HS2ST1: variants seen among roughly 807,000 people sequenced by gnomAD.
The protein encoded by HS2ST1 is heparan sulfate 2-O-sulfotransferase 1.
Under a neutral mutation model 42.9 loss-of-function variants are expected in HS2ST1, and 18 were observed. That is an observed-to-expected ratio of 0.42 (90% CI 0.29 to 0.62). The LOEUF (loss-of-function observed/expected upper bound fraction) is 0.62, where lower values mean the gene tolerates loss of function less well. HS2ST1 is among the 20% of genes least tolerant of loss of function. The pLI is 0.21. For missense variants in HS2ST1, 334 were observed against 433.8 expected, an observed-to-expected ratio of 0.77 and a Z score of 2.04; for synonymous variants, 146 against 152.9, an observed-to-expected ratio of 0.95 and a Z score of 0.33.
intron 1 of HS2ST1, among the ~76,000 whole-genome samples, chr1:86,915,814 A>G (rs1660141261): frequency 6.6e-6 from 1 of 152,204 alleles, no homozygotes; most frequent in African/African-American, 2.4e-5. Context: ...GGAGATTTAA[A>G]TTCTTCTTTA....
chr1:86,921,419 A>G (rs79597726), intron 1 of HS2ST1, among the ~76,000 whole-genome samples: 3,332 of 152,028 alleles, frequency 0.022, 42 homozygotes, highest in South Asian at 0.054. Context: ...ATCCTTGGTA[A>G]TATTCTTTGC....
chr1:86,948,131 A>C (rs1647391542), intron 1 of HS2ST1, among the ~76,000 whole-genome samples: 1 of 152,138 alleles, frequency 6.6e-6, no homozygotes, highest in Admixed American at 6.6e-5. Context: ...GAAACAAAAA[A>C]AAAACAAAAA....
chr1:87,057,533 G>T (rs1318976957), intron 1 of HS2ST1, among the ~76,000 whole-genome samples: 1 of 148,902 alleles, frequency 6.7e-6, no homozygotes, highest in Non-Finnish European at 1.5e-5. Flanking sequence ...TCTTCCCTTT[G>T]CCTGGAAGGT....
chr1:87,098,088 T>C (rs41287739), intron 5 of HS2ST1, 153 bp downstream of exon 5: 17,389 of 1,418,114 alleles, frequency 0.012, 247 homozygotes, highest in African/African-American at 0.05. Flanking sequence ...GCAGTTACTT[T>C]TAAATGCATT....
chr1:87,079,313 A>G (rs1423974438), intron 2 of HS2ST1, among the ~76,000 whole-genome samples: 1 of 151,748 alleles, frequency 6.6e-6, no homozygotes, highest in East Asian at 1.9e-4. Flanking sequence ...AATTTTTTGT[A>G]TTTTAGTAGG....
chr1:87,083,898 G>A (rs1651753737), intron 2 of HS2ST1, among the ~76,000 whole-genome samples: 1 of 152,046 alleles, frequency 6.6e-6, no homozygotes, highest in African/African-American at 2.4e-5. Context: ...CCCCCACAAC[G>A]ACCCTCCTCC....
chr1:87,035,091 G>A (rs1650339814), intron 1 of HS2ST1, among the ~76,000 whole-genome samples: 1 of 152,170 alleles, frequency 6.6e-6, no homozygotes, highest in Non-Finnish European at 1.5e-5. Context: ...AGGAATGAAT[G>A]CAGGTGGCTC....
rs1426712805 is a variant in HS2ST1, at chr1:87,098,197, G to C, written c.686+262G>C. On this transcript the variant is annotated intron_variant, in intron 5 of 6. Transcript: ENST00000370550. Reference sequence around the variant, plus strand: ...CTTATTTTTGGTGTTATGTTTTGCTGTATTCCAGCAGAGCTCTTAGAGACT... The same window carrying C: ...CTTATTTTTGGTGTTATGTTTTGCTCTATTCCAGCAGAGCTCTTAGAGACT... 7 of 459,320 alleles carry C rather than the reference G, an allele frequency of 1.5e-5. No homozygotes were observed. The Admixed American group carries it at 7.4e-4, about 48-fold the overall frequency. The allele number at this position is 459,320 out of a possible 1,614,324, so 28.5% of individuals were successfully genotyped here. A position where few individuals can be genotyped will look rare whatever the true frequency, so the allele number is the denominator to read the frequency against.
At chr1:87,063,413 C>T (rs745679163) in intron 1 of HS2ST1, among the ~76,000 whole-genome samples, 17 of 152,048 alleles carry the variant, frequency 1.1e-4, no homozygotes, top group Admixed American at 2.6e-4. Flanking sequence ...TTCCGCTCAC[C>T]GCAGCCTCTG....
In HS2ST1 at chr1:87,076,888, A is replaced by T. The variant is rs1651559444; in HGVS notation, c.363+3716A>T. Among the ~76,000 whole-genome samples the T allele has an allele frequency of 2.0e-5, 3 of 152,226 alleles. No homozygotes were observed. In the South Asian group the frequency reaches 6.2e-4, roughly 32 times the overall value. ...GAATTTGTATTCTCTGAAGAACAAC[A>T]TGAATTTTTTTCTTTTTGAAATTCA... On this transcript the variant is annotated intron_variant, in intron 2 of 6. Coordinates refer to ENST00000370550, the MANE Select transcript of HS2ST1 (RefSeq NM_012262.4).
rs1032658857 is a variant in HS2ST1, at chr1:87,012,839, C to G, written c.125-60095C>G. Among the ~76,000 whole-genome samples, 5 of 152,354 alleles carry G rather than the reference C, an allele frequency of 3.3e-5. 1 individual carries two copies. The Middle Eastern group carries it at 0.017, about 518-fold the overall frequency. On this transcript the variant is annotated intron_variant, in intron 1 of 6. Coordinates refer to ENST00000370550, the MANE Select transcript of HS2ST1 (RefSeq NM_012262.4). ...TCCAAATGGGAGAAATAGGCCAAAACAAAGGGGCTACAGGCCCCATGCAAG... is the reference window on the plus strand; with the variant it reads ...TCCAAATGGGAGAAATAGGCCAAAAGAAAGGGGCTACAGGCCCCATGCAAG...
chr1:87,064,527 C>T (rs762622049), intron 1 of HS2ST1: 18 of 518,174 alleles, frequency 3.5e-5, no homozygotes, highest in Non-Finnish European at 6.6e-5. Context: ...TTAATGGTAC[C>T]ATATGCATCC....
chr1:87,098,511 T>C (rs1652123473), intron 5 of HS2ST1: 4 of 317,730 alleles, frequency 1.3e-5, no homozygotes, highest in Non-Finnish European at 1.8e-5. Context: ...ATCATTTTAA[T>C]AGGAGAAGTA....
chr1:86,938,912 A>T (rs946032735), intron 1 of HS2ST1, among the ~76,000 whole-genome samples: 1 of 152,204 alleles, frequency 6.6e-6, no homozygotes, highest in East Asian at 1.9e-4. Flanking sequence ...AAGTAATTCA[A>T]CTGGTAGAAG....
At chr1:86,984,168 T>C (rs1648687875) in intron 1 of HS2ST1, among the ~76,000 whole-genome samples, 1 of 152,200 alleles carries the variant, frequency 6.6e-6, no homozygotes, top group Admixed American at 6.5e-5. Context: ...ATGAGAAAAT[T>C]GAAGCCCAGG....
chr1:86,995,080 C>T (rs1649060604), intron 1 of HS2ST1, among the ~76,000 whole-genome samples: 1 of 151,994 alleles, frequency 6.6e-6, no homozygotes, highest in Non-Finnish European at 1.5e-5. Flanking sequence ...CCTTTCCCAC[C>T]TCTACTGTTT....
At chr1:87,050,192 G>C (rs1650797764) in intron 1 of HS2ST1, among the ~76,000 whole-genome samples, 1 of 151,624 alleles carries the variant, frequency 6.6e-6, no homozygotes, top group African/African-American at 2.4e-5. Flanking sequence ...TTTTTATCTA[G>C]TCTGACAATC....
chr1:87,051,633 C>G (rs569124975), intron 1 of HS2ST1, among the ~76,000 whole-genome samples: 1 of 152,220 alleles, frequency 6.6e-6, no homozygotes, highest in African/African-American at 2.4e-5. Flanking sequence ...AATTAAAACT[C>G]AAATTATGGT....
At chr1:86,927,630 A>G (rs762960461) in intron 1 of HS2ST1, among the ~76,000 whole-genome samples, 1 of 152,168 alleles carries the variant, frequency 6.6e-6, no homozygotes, top group Non-Finnish European at 1.5e-5. Context: ...AATGACTATA[A>G]AGAGTGATCA....
Sources: allele counts gnomAD v4.1 joint callset (sites outside exome capture counted in the v4.1 genomes callset), GRCh38; gene constraint gnomAD v4.1.1; transcripts MANE v1.5; gene names NCBI Gene and HGNC (gene_info 2026-07-23, HGNC 2026-07-21).